Variants in VGLL4 observed in about 807,000 individuals in gnomAD.
VGLL4 encodes the protein vestigial like family member 4.
In VGLL4, 7 loss-of-function variants were observed where a neutral mutation model predicts 21.0. The ratio of observed to expected loss-of-function variants is 0.33; its 90% CI spans 0.19 to 0.63. The LOEUF (loss-of-function observed/expected upper bound fraction) is 0.63. Ranked by LOEUF, VGLL4 falls within the 20% of genes least tolerant of loss-of-function variation. The pLI, the probability that VGLL4 is intolerant of heterozygous loss-of-function variation, is 0.78. For missense variants in VGLL4, 394 were observed against 425.7 expected (o/e 0.93, Z 0.66); for synonymous variants, 222 against 173.2 (o/e 1.28, Z -2.21).
chr3:11,703,376 A>G (rs2076710650), intron 1 of VGLL4, among the ~76,000 whole-genome samples: 1 of 152,260 alleles, frequency 6.6e-6, no homozygotes, highest in South Asian at 2.1e-4. Flanking sequence ...AACATGCCCA[A>G]TAAAAGAAAG....
intron 2 of VGLL4, among the ~76,000 whole-genome samples, chr3:11,677,557 G>C (rs1388336927): frequency 6.6e-6 from 1 of 152,114 alleles, no homozygotes; most frequent in Non-Finnish European, 1.5e-5. Flanking sequence ...CCACAGACAT[G>C]AGCCACCGCA....
intron 2 of VGLL4, among the ~76,000 whole-genome samples, chr3:11,698,898 C>T (rs2076641595): frequency 6.6e-6 from 1 of 152,132 alleles, no homozygotes; most frequent in Non-Finnish European, 1.5e-5. Context: ...AATGCTGAAA[C>T]AATAACATCC....
At chr3:11,659,929 G>A (rs1404515116) in intron 2 of VGLL4, among the ~76,000 whole-genome samples, 3 of 152,102 alleles carry the variant, frequency 2.0e-5, no homozygotes, top group Non-Finnish European at 4.4e-5. Flanking sequence ...TTGGGAGGCC[G>A]AGACTAGTGG....
At chr3:11,691,798 T>C (rs2076530257) in intron 2 of VGLL4, among the ~76,000 whole-genome samples, 1 of 151,902 alleles carries the variant, frequency 6.6e-6, no homozygotes, top group Admixed American at 6.6e-5. Flanking sequence ...AATCATTGCT[T>C]AGGTACCACA....
At chr3:11,683,752 C>T (rs931665307) in intron 2 of VGLL4, among the ~76,000 whole-genome samples, 9 of 151,854 alleles carry the variant, frequency 5.9e-5, no homozygotes, top group African/African-American at 1.2e-4. Context: ...CAAGATTAGA[C>T]GACTGCACTC....
intron 1 of VGLL4, among the ~76,000 whole-genome samples, chr3:11,715,415 CCT>C (rs773200601): frequency 2.2e-4 from 34 of 152,174 alleles, no homozygotes; most frequent in South Asian, 1.5e-3. Context: ...CTCACTGCAA[CCT>C]CCACTTTCCG....
At chr3:11,601,616 T>C (rs921602373) in intron 2 of VGLL4, among the ~76,000 whole-genome samples, 1 of 152,212 alleles carries the variant, frequency 6.6e-6, no homozygotes, top group Non-Finnish European at 1.5e-5. Context: ...GTCCTACAAG[T>C]AGGCTGGAGG....
chr3:11,560,201 G>A (rs1399372649), intron 3 of VGLL4, among the ~76,000 whole-genome samples: 1 of 152,194 alleles, frequency 6.6e-6, no homozygotes, highest in Non-Finnish European at 1.5e-5. Context: ...GATTCAGCAA[G>A]TGCATCGGTC....
chr3:11,688,581 ATGTTCTATAATTATACATTT>A (rs1228130712), intron 2 of VGLL4, among the ~76,000 whole-genome samples: 4 of 152,142 alleles, frequency 2.6e-5, no homozygotes, highest in African/African-American at 9.7e-5. Flanking sequence ...TGTTTCATAT[ATGTTCTATAATTATACATTT>A]TGTTCTTTTT....
chr3:11,571,989 C>T (rs1000288414), intron 2 of VGLL4, among the ~76,000 whole-genome samples: 3 of 152,178 alleles, frequency 2.0e-5, no homozygotes, highest in Non-Finnish European at 2.9e-5. Flanking sequence ...TACCTGCAGC[C>T]CCAGCTACTC....
chr3:11,685,206 T>G (rs1292952509), intron 2 of VGLL4, among the ~76,000 whole-genome samples: 3 of 151,650 alleles, frequency 2.0e-5, no homozygotes, highest in Non-Finnish European at 2.9e-5. Context: ...TGTTGTTTTT[T>G]TTTTTTTTTT....
Position 11,694,932 on chromosome 3 carries a change from T to C in VGLL4, c.64+8039A>G, listed in dbSNP as rs185147006. Among the ~76,000 whole-genome samples, 33 of 152,354 alleles carry C rather than the reference T, an allele frequency of 2.2e-4. No individual in the cohort carries two copies. The East Asian group carries it at 6.2e-3, about 28-fold the overall frequency. ...ATATTTAGTTTATAAATGTGTATTC[T>C]AGTTATGAAGTTGTAAAGAAACTGC... On this transcript the variant is annotated intron_variant, in intron 2 of 5. Coordinates refer to the VGLL4 transcript ENST00000273038.
intron 2 of VGLL4, among the ~76,000 whole-genome samples, chr3:11,669,875 A>G (rs1303670064): frequency 1.3e-5 from 2 of 152,050 alleles, no homozygotes; most frequent in Non-Finnish European, 2.9e-5. Context: ...GAGATAGGGC[A>G]AGATTCCTGG....
intron 1 of VGLL4, among the ~76,000 whole-genome samples, chr3:11,705,322 C>G (rs940793822): frequency 9.2e-5 from 14 of 152,162 alleles, no homozygotes; most frequent in African/African-American, 2.9e-4. Flanking sequence ...GGCACCGGAG[C>G]CGCGGGGAGG....
chr3:11,712,907 G>A (rs996865443), intron 1 of VGLL4, among the ~76,000 whole-genome samples: 1 of 152,158 alleles, frequency 6.6e-6, no homozygotes, highest in Non-Finnish European at 1.5e-5. Context: ...TCTAACAGAG[G>A]TAGGCATGGA....
chr3:11,707,367 G>C (rs2076777685), intron 1 of VGLL4, among the ~76,000 whole-genome samples: 2 of 147,974 alleles, frequency 1.4e-5, no homozygotes, highest in Non-Finnish European at 3.0e-5. Flanking sequence ...AAGAAGTTCT[G>C]TGTAGGATGG....
At chr3:11,693,884 G>A (rs2076567844) in intron 2 of VGLL4, among the ~76,000 whole-genome samples, 1 of 151,958 alleles carries the variant, frequency 6.6e-6, no homozygotes, top group African/African-American at 2.4e-5. Context: ...TAGTATAGAG[G>A]AGTTTTATTT....
chr3:11,701,816 T>C (rs1352183238), intron 2 of VGLL4, among the ~76,000 whole-genome samples: 1 of 152,192 alleles, frequency 6.6e-6, no homozygotes, highest in Non-Finnish European at 1.5e-5. Flanking sequence ...CTAAATTTTT[T>C]TGTTGTTATT....
chr3:11,713,006 G>A (rs188824581), intron 1 of VGLL4, among the ~76,000 whole-genome samples: 79 of 152,204 alleles, frequency 5.2e-4, no homozygotes, highest in African/African-American at 1.7e-3. Context: ...CAATGACACC[G>A]GCAACAAACT....
Sources: allele counts gnomAD v4.1 joint callset (sites outside exome capture counted in the v4.1 genomes callset), GRCh38; gene constraint gnomAD v4.1.1; transcripts MANE v1.5; gene names NCBI Gene and HGNC (gene_info 2026-07-23, HGNC 2026-07-21).